The following SCFD2 variants were observed in gnomAD, a reference collection of about 807,000 sequenced individuals.
SCFD2 encodes sec1 family domain containing 2, also known as sec1 family domain-containing protein 2.
SCFD2 carries 54 observed loss-of-function variants against 58.9 expected under a neutral mutation model. The ratio of observed to expected loss-of-function variants is 0.92; its 90% CI spans 0.74 to 1.15. The LOEUF (loss-of-function observed/expected upper bound fraction) is 1.15, where lower values mean the gene tolerates loss of function less well. Among genes scored for constraint, SCFD2 ranks in the 50% most tolerant of loss-of-function variants. The pLI is 0.00. For missense variants in SCFD2, 805 were observed against 836.6 expected (o/e 0.96, Z 0.47); for synonymous variants, 321 against 335.9 (o/e 0.96, Z 0.49).
intron 5 of SCFD2, among the ~76,000 whole-genome samples, chr4:53,083,814 G>A (rs182289457): frequency 1.7e-3 from 264 of 152,220 alleles, no homozygotes; most frequent in African/African-American, 5.9e-3. Flanking sequence ...GGGAGGGGGC[G>A]TAAGAACAGA....
chr4:53,021,333 TA>T (rs1722344721), intron 5 of SCFD2, among the ~76,000 whole-genome samples: 1 of 152,228 alleles, frequency 6.6e-6, no homozygotes, highest in South Asian at 2.1e-4. Flanking sequence ...TTCCTATTTC[TA>T]ACATTTTATA....
chr4:52,948,968 A>C (rs1161395472), intron 5 of SCFD2: 1 of 153,888 alleles, frequency 6.5e-6, no homozygotes, highest in African/African-American at 2.4e-5. Flanking sequence ...TAGGGAGTTA[A>C]AATTCTGAGC....
At chr4:53,282,259 T>C (rs551159927) in intron 3 of SCFD2, among the ~76,000 whole-genome samples, 1 of 152,312 alleles carries the variant, frequency 6.6e-6, no homozygotes, top group South Asian at 2.1e-4. Flanking sequence ...TGCTAATTGC[T>C]CTCTGTCTTT....
At chr4:53,197,553 T>C (rs1190581794) in intron 4 of SCFD2, among the ~76,000 whole-genome samples, 1 of 152,062 alleles carries the variant, frequency 6.6e-6, no homozygotes, top group Admixed American at 6.6e-5. Flanking sequence ...CTACCTATAA[T>C]ATTAAGATGT....
At chr4:53,067,521 G>A (rs1723696673) in intron 5 of SCFD2, among the ~76,000 whole-genome samples, 1 of 152,016 alleles carries the variant, frequency 6.6e-6, no homozygotes, top group Non-Finnish European at 1.5e-5. Context: ...GGACTAGGTG[G>A]AGATAACTGA....
At chr4:52,909,582 A>G (rs937994765) in intron 6 of SCFD2, among the ~76,000 whole-genome samples, 18 of 152,202 alleles carry the variant, frequency 1.2e-4, no homozygotes, top group Non-Finnish European at 2.2e-4. Flanking sequence ...CAAGGGAGAA[A>G]GGTGAGAGGA....
At position 52,889,272 on chromosome 4, in the gene SCFD2, TACTA is replaced by T. The variant is rs533762525; in HGVS notation, c.1843-3410_1843-3407del. On this transcript the variant is annotated intron_variant, in intron 7 of 8. Coordinates refer to ENST00000401642, the MANE Select transcript of SCFD2 (RefSeq NM_152540.4). The stretch of plus-strand genomic sequence containing the variant: ...TTATTATTGAAAATAGCAAACATTG[TACTA>T]ACTATTTTTGTGTATTATCTTATTT... 3.9e-4 allele frequency among the ~76,000 whole-genome samples: 60 copies of T among 152,386 alleles called. No individual in the cohort carries two copies. In the South Asian group the frequency reaches 6.2e-3, roughly 16 times the overall value.
At chr4:53,335,285 T>TG (rs1156325097) in intron 2 of SCFD2, among the ~76,000 whole-genome samples, 4 of 148,670 alleles carry the variant, frequency 2.7e-5, no homozygotes, top group African/African-American at 9.9e-5. Context: ...ATACATAACC[T>TG]GAATCTAATT....
At chr4:52,898,291 G>A (rs190592220) in intron 7 of SCFD2, among the ~76,000 whole-genome samples, 23 of 152,268 alleles carry the variant, frequency 1.5e-4, no homozygotes, top group African/African-American at 5.3e-4. Flanking sequence ...TGGGCATTTA[G>A]TGCTATAAAT....
chr4:53,172,897 A>G (rs1341829986), intron 4 of SCFD2, among the ~76,000 whole-genome samples: 1 of 152,126 alleles, frequency 6.6e-6, no homozygotes, highest in Non-Finnish European at 1.5e-5. Context: ...TTCCTTATTA[A>G]TTTCCTCTCT....
intron 5 of SCFD2, among the ~76,000 whole-genome samples, chr4:52,989,096 A>C (rs1433533279): frequency 6.6e-6 from 1 of 152,218 alleles, no homozygotes; most frequent in Admixed American, 6.5e-5. Flanking sequence ...TAAAGTTATA[A>C]CATCAGGGAG....
intron 4 of SCFD2, among the ~76,000 whole-genome samples, chr4:53,264,905 T>C (rs557657585): frequency 7.9e-4 from 120 of 152,342 alleles, no homozygotes; most frequent in Non-Finnish European, 1.4e-3. Flanking sequence ...ACTAAAGCTA[T>C]ATTTTACCTC....
intron 5 of SCFD2, among the ~76,000 whole-genome samples, chr4:53,076,271 AT>A (rs1723970483): frequency 7.2e-6 from 1 of 138,752 alleles, no homozygotes; most frequent in Admixed American, 7.5e-5. Flanking sequence ...ACATTCAGTT[AT>A]TTTCTTTTGG....
chr4:52,996,351 A>G lies in SCFD2; in HGVS notation c.1562-75481T>C, dbSNP rs537786165. 2.6e-5 allele frequency among the ~76,000 whole-genome samples: 4 copies of G among 152,322 alleles called. No individual in the cohort carries two copies. In the East Asian group the frequency reaches 7.7e-4, roughly 29 times the overall value. On this transcript the variant is annotated intron_variant, in intron 5 of 8. Coordinates refer to ENST00000401642, the MANE Select transcript of SCFD2 (RefSeq NM_152540.4). Reference sequence around the variant, plus strand: ...GATAAAAATCCTCCAGCTGGAGTGGAGTCGCCTGACCGTCACTGGAGCCTC... The same window carrying G: ...GATAAAAATCCTCCAGCTGGAGTGGGGTCGCCTGACCGTCACTGGAGCCTC...
chr4:52,975,800 T>G (rs1313486003), intron 5 of SCFD2, among the ~76,000 whole-genome samples: 1 of 152,042 alleles, frequency 6.6e-6, no homozygotes, highest in African/African-American at 2.4e-5. Context: ...TAGACTGTAT[T>G]AAGAAAATGT....
At chr4:52,896,900 G>A (rs898429299) in intron 7 of SCFD2, among the ~76,000 whole-genome samples, 19 of 152,116 alleles carry the variant, frequency 1.2e-4, no homozygotes, top group African/African-American at 2.4e-4. Flanking sequence ...TGGATTCCTC[G>A]TATTTTATTC....
intron 4 of SCFD2, among the ~76,000 whole-genome samples, chr4:53,149,108 G>A (rs1381534812): frequency 1.3e-5 from 2 of 152,220 alleles, no homozygotes; most frequent in African/African-American, 2.4e-5. Flanking sequence ...ATGGATACAT[G>A]TATTTCCTAC....
chr4:53,341,993 C>T (rs1197594929), intron 2 of SCFD2, among the ~76,000 whole-genome samples: 2 of 152,204 alleles, frequency 1.3e-5, no homozygotes, highest in Non-Finnish European at 2.9e-5. Context: ...GTACCAGCCA[C>T]TGCAGAAACA....
At chr4:52,985,808 C>CTT (rs3076947) in intron 5 of SCFD2, among the ~76,000 whole-genome samples, 129,985 of 151,150 alleles carry the variant, frequency 0.86, 56,083 homozygotes, top group Middle Eastern at 0.96. Flanking sequence ...ACAGATGACA[C>CTT]TGCAATTCCA....
Sources: gnomAD v4.1 joint callset for allele counts (sites outside exome capture counted in the v4.1 genomes callset) on GRCh38, gnomAD v4.1.1 for gene constraint, MANE v1.5 for transcripts, NCBI Gene and HGNC (gene_info 2026-07-23, HGNC 2026-07-21) for gene names.